LRRC66: variants seen among roughly 807,000 people sequenced by gnomAD.
LRRC66 encodes the protein leucine rich repeat containing 66.
Under a neutral mutation model 24.6 loss-of-function variants are expected in LRRC66, and 29 were observed. That is an observed-to-expected ratio of 1.18 (90% CI 0.88 to 1.61). The LOEUF is 1.61. Ranked by LOEUF, LRRC66 falls within the 40% of genes most tolerant of loss-of-function variation. The probability of loss-of-function intolerance (pLI) is 0.00; values close to 1 mark genes in which losing one functional copy is unlikely to be tolerated. For synonymous variants in LRRC66, 411 were observed against 397.6 expected, an observed-to-expected ratio of 1.03 and a Z score of -0.40; for missense variants, 1,124 against 1,058.0, an observed-to-expected ratio of 1.06 and a Z score of -0.87.
intron 3 of LRRC66, among the ~76,000 whole-genome samples, chr4:52,001,186 A>C (rs895288717): frequency 6.6e-6 from 1 of 152,240 alleles, no homozygotes; most frequent in African/African-American, 2.4e-5. Flanking sequence ...AGCTGGGATA[A>C]GTGCAATGAG....
chr4:52,010,989 T>G lies in LRRC66; in HGVS notation c.496+6129A>C, dbSNP rs909512115. 5.3e-5 allele frequency among the ~76,000 whole-genome samples: 8 copies of G among 152,228 alleles called. No individual in the cohort carries two copies. In the East Asian group the frequency reaches 1.5e-3, roughly 29 times the overall value. On this transcript the variant is annotated intron_variant, in intron 2 of 4. Coordinates refer to ENST00000682860, the MANE Select transcript of LRRC66 (RefSeq NM_001024611.3). ...TTCCTTTTATATAAAATTATAGAAA[T>G]GCAAGTGAATCTATAATGAAACAGA... is the stretch of plus-strand genomic sequence containing the variant.
intron 2 of LRRC66, among the ~76,000 whole-genome samples, chr4:52,006,534 C>A (rs1265254846): frequency 7.7e-6 from 1 of 130,424 alleles, no homozygotes; most frequent in African/African-American, 3.0e-5. Flanking sequence ...GGGAACATCA[C>A]ACTCTGGGGA....
chr4:51,998,638 T>C lies in LRRC66; in HGVS notation c.667-701A>G, dbSNP rs1297883011. Reference sequence around the variant, plus strand: ...TTCAGTACATGCAGTATGACTTATTTTTCTAGTCTGATCAGAAATGAAGGG... The same window carrying C: ...TTCAGTACATGCAGTATGACTTATTCTTCTAGTCTGATCAGAAATGAAGGG... On this transcript the variant is annotated intron_variant, in intron 3 of 4. Transcript: ENST00000682860. Among the ~76,000 whole-genome samples the C allele has an allele frequency of 9.2e-5, 14 of 152,304 alleles. No individual in the cohort carries two copies. In the East Asian group the frequency reaches 2.7e-3, roughly 29 times the overall value.
intron 4 of LRRC66, among the ~76,000 whole-genome samples, chr4:51,997,288 G>A (rs1408113767): frequency 1.3e-5 from 2 of 151,938 alleles, no homozygotes; most frequent in East Asian, 3.8e-4. Flanking sequence ...CACACTTTTA[G>A]AGTGTTAGCA....
At chr4:52,016,991 A>G in intron 2 of LRRC66, 127 bp downstream of exon 2, 1 of 1,019,882 alleles carries the variant, frequency 9.8e-7, no homozygotes. Flanking sequence ...ACATTATTAT[A>G]TGTGCTCTGA....
At chr4:52,018,635 A>G in intron 1 of LRRC66, 1 of 967,594 alleles carries the variant, frequency 1.0e-6, no homozygotes, top group Non-Finnish European at 1.2e-6. Context: ...ATTTTCCTAC[A>G]ATAACGTATT....
intron 3 of LRRC66, among the ~76,000 whole-genome samples, chr4:52,001,742 A>G (rs749520250): frequency 2.6e-5 from 4 of 152,198 alleles, no homozygotes; most frequent in Non-Finnish European, 5.9e-5. Context: ...GCTCCCCATC[A>G]CTGCTTCACT....
rs775097613 is a variant in LRRC66 at position 51,995,927 on chromosome 4, G to A, written c.1095C>T (p.Ala365=). 27 of 1,613,884 alleles carry A rather than the reference G, an allele frequency of 1.7e-5. No individual in the cohort carries two copies. The highest frequency in any genetic ancestry group is 1.0e-4 in the Admixed American group (6 of 59,994). ...CCTGGGGAGCGTCCTCTTTTTTGCC[G>A]GCAGCCTGCACATCGCGGGTGCTTC... ...SVRSTRDVQA[A]GKKEDAPQDL... The change falls in exon 5 of 5, where the codon GCC becomes GCT. Residue 365 remains alanine (A), a synonymous_variant. Transcript: ENST00000682860.
At chr4:51,996,856 C>A (rs1736333816) in intron 4 of LRRC66, among the ~76,000 whole-genome samples, 1 of 152,154 alleles carries the variant, frequency 6.6e-6, no homozygotes, top group Middle Eastern at 3.2e-3. Flanking sequence ...CTCCTTTCTC[C>A]ATAATCTTAC....
Position 52,017,308 on chromosome 4 carries a change from TA to T in LRRC66, c.305del (p.Leu102Ter). The T allele has an allele frequency of 6.2e-7, 1 of 1,614,124 alleles. No individual in the cohort carries two copies. Among genetic ancestry groups the T allele is most frequent in the Non-Finnish European group, 8.5e-7 (1 of 1,179,994 alleles). ...AAGCATGTAAATATGCAAAAGGGCT[TA>T]AGGTTATTTTTGATATGAGATTGTT... Reference protein sequence around the residue: ...LSNNLISKITLSPFAYLHALE... With the variant: ...LSNNLISKITXSPFAYLHALE... On this transcript the variant is annotated frameshift_variant, in exon 2 of 5. Transcript: ENST00000682860. LOFTEE classifies it high-confidence loss of function.
chr4:52,006,102 T>C (rs1736576884), intron 2 of LRRC66, among the ~76,000 whole-genome samples: 1 of 152,200 alleles, frequency 6.6e-6, no homozygotes, highest in South Asian at 2.1e-4. Context: ...GTAAGTGCCC[T>C]AGGAGCTAAG....
Position 51,995,365 on chromosome 4 carries a change from C to A in LRRC66, c.1657G>T (p.Val553Leu), listed in dbSNP as rs1378816854. The A allele has an allele frequency of 2.5e-6, 4 of 1,614,066 alleles. No homozygotes were observed. Among genetic ancestry groups the A allele is most frequent in the Non-Finnish European group, 3.4e-6 (4 of 1,180,040 alleles). Residue 553 changes from valine (V) to leucine (L), a missense_variant, in exon 5 of 5, where the codon GTG becomes TTG. Coordinates refer to ENST00000682860, the MANE Select transcript of LRRC66 (RefSeq NM_001024611.3). Reference protein sequence around the residue: ...AQEEPLSAHSVGVSSVAGTSH... With the variant: ...AQEEPLSAHSLGVSSVAGTSH... ...GTGCCAGCTACAGAAGAGACGCCCACTGAATGTGCACTGAGAGGCTCTTCC... is the reference window on the plus strand; with the variant it reads ...GTGCCAGCTACAGAAGAGACGCCCAATGAATGTGCACTGAGAGGCTCTTCC...
At chr4:52,012,586 A>G (rs1736727603) in intron 2 of LRRC66, among the ~76,000 whole-genome samples, 1 of 152,090 alleles carries the variant, frequency 6.6e-6, no homozygotes, top group Non-Finnish European at 1.5e-5. Context: ...TTGCTTGGTA[A>G]GCCAATGTTC....
intron 2 of LRRC66, among the ~76,000 whole-genome samples, chr4:52,015,868 A>G (rs193180893): frequency 4.6e-5 from 7 of 152,322 alleles, no homozygotes; most frequent in African/African-American, 1.2e-4. Context: ...ATATGAAAAT[A>G]CAAATTAGAA....
chr4:52,016,545 T>A (rs928577689), intron 2 of LRRC66, among the ~76,000 whole-genome samples: 1 of 152,164 alleles, frequency 6.6e-6, no homozygotes, highest in Admixed American at 6.6e-5. Context: ...CAGATGAGAA[T>A]TTATGATAAT....
Position 51,995,637 on chromosome 4 carries a change from T to C in LRRC66, c.1385A>G (p.Gln462Arg), listed in dbSNP as rs1305392106. The C allele has an allele frequency of 1.2e-6, 2 of 1,614,058 alleles. No homozygotes were observed. Among genetic ancestry groups the C allele is most frequent in the Non-Finnish European group, 1.7e-6 (2 of 1,179,996 alleles). The change falls in exon 5 of 5, where the codon CAG (glutamine) becomes CGG (arginine). Residue 462 changes from glutamine (Q) to arginine (R), a missense_variant. Gln to Arg is a conservative substitution (Grantham distance 43, BLOSUM62 1). Coordinates refer to ENST00000682860, the MANE Select transcript of LRRC66 (RefSeq NM_001024611.3). Reference protein sequence around the residue: ...YENQTPFWVTQPHPHATVIPD... With the variant: ...YENQTPFWVTRPHPHATVIPD... ...AATTACGGTGGCGTGTGGGTGTGGC[T>C]GTGTCACCCAGAAAGGGGTCTGGTT...
intron 1 of LRRC66, chr4:52,018,440 T>C: frequency 1.0e-6 from 1 of 985,412 alleles, no homozygotes; most frequent in South Asian, 4.7e-5. Flanking sequence ...CCACTGTGTG[T>C]ACAAATAATC....
intron 2 of LRRC66, among the ~76,000 whole-genome samples, chr4:52,016,514 A>G (rs542511065): frequency 2.0e-5 from 3 of 152,298 alleles, no homozygotes; most frequent in African/African-American, 7.2e-5. Context: ...AAGGAACTCC[A>G]ACATATAGAC....
intron 3 of LRRC66, 34 bp from the exon 4 acceptor site, chr4:51,997,971 T>C (rs760315499): frequency 2.6e-6 from 4 of 1,560,470 alleles, no homozygotes; most frequent in African/African-American, 1.4e-5. Flanking sequence ...GGATGGTCTG[T>C]GGATAAAGAC....
Sources: allele counts gnomAD v4.1 joint callset (sites outside exome capture counted in the v4.1 genomes callset), GRCh38; gene constraint gnomAD v4.1.1; transcripts MANE v1.5; gene names NCBI Gene and HGNC (gene_info 2026-07-23, HGNC 2026-07-21).